RIGI: variants seen among roughly 807,000 people sequenced by gnomAD.
RIGI encodes the protein RNA sensor RIG-I.
the RIGI span, among the ~76,000 whole-genome samples, chr9:32,514,338 A>G: frequency 7.2e-5 from 11 of 152,238 alleles, no homozygotes; most frequent in African/African-American, 1.7e-4. Flanking sequence ...ATGCCCATCA[A>G]TGATAAACTG....
chr9:32,476,120 G>C, the RIGI span, among the ~76,000 whole-genome samples: 6 of 151,992 alleles, frequency 3.9e-5, no homozygotes, highest in Non-Finnish European at 8.8e-5. Context: ...CTCTAATGAG[G>C]TATCATTACC....
the RIGI span, among the ~76,000 whole-genome samples, chr9:32,510,865 T>C: frequency 2.0e-5 from 3 of 150,160 alleles, no homozygotes; most frequent in African/African-American, 7.4e-5. Context: ...AAGACACACA[T>C]AGGCTCAAAA....
chr9:32,508,258 T>TTTTTTTTTTTTTTTTTTTTTTTTTTTTTA, the RIGI span, among the ~76,000 whole-genome samples: 1 of 138,048 alleles, frequency 7.2e-6, no homozygotes, highest in East Asian at 2.2e-4. Context: ...TTTTTTTTTT[T>TTTTTTTTTTTTTTTTTTTTTTTTTTTTTA]ACTATATGAA....
the RIGI span, chr9:32,485,250 C>A: frequency 1.9e-6 from 3 of 1,603,160 alleles, no homozygotes; most frequent in Admixed American, 5.1e-5. Context: ...TTAAATTTGT[C>A]GCTAATCCGT....
chr9:32,463,209 T>C, the RIGI span, among the ~76,000 whole-genome samples: 68 of 152,380 alleles, frequency 4.5e-4, no homozygotes, highest in African/African-American at 1.6e-3. Context: ...ATCTTCATTA[T>C]TTTTGTAAAA....
chr9:32,504,199 T>C, the RIGI span, among the ~76,000 whole-genome samples: 240 of 152,282 alleles, frequency 1.6e-3, 3 homozygotes, highest in Non-Finnish European at 1.2e-4. Context: ...CTAGCGTCAA[T>C]AATCACAATA....
the RIGI span, among the ~76,000 whole-genome samples, chr9:32,466,004 G>A: frequency 6.6e-6 from 1 of 152,142 alleles, no homozygotes; most frequent in Non-Finnish European, 1.5e-5. Context: ...AAGAACAGCT[G>A]TTTTTTCCAG....
chr9:32,508,471 T>C, the RIGI span, among the ~76,000 whole-genome samples: 1 of 151,738 alleles, frequency 6.6e-6, no homozygotes, highest in Non-Finnish European at 1.5e-5. Context: ...GGGTAGGGTG[T>C]CACCTCACCT....
the RIGI span, chr9:32,481,457 C>T: frequency 6.3e-7 from 1 of 1,593,106 alleles, no homozygotes; most frequent in South Asian, 1.1e-5. Flanking sequence ...GTTCATATTT[C>T]TGTGTTCCAA....
chr9:32,466,476 G>T, the RIGI span: 3 of 1,549,536 alleles, frequency 1.9e-6, no homozygotes, highest in South Asian at 3.6e-5. Context: ...TGGTGTTTTT[G>T]ACTTAAAGCT....
At chr9:32,485,319 G>A in the RIGI span, 1 of 1,393,484 alleles carries the variant, frequency 7.2e-7, no homozygotes, top group South Asian at 1.2e-5. Flanking sequence ...AAAAAAGAGT[G>A]AGTATATTTT....
chr9:32,519,336 G>A, the RIGI span, among the ~76,000 whole-genome samples: 134 of 152,178 alleles, frequency 8.8e-4, no homozygotes, highest in African/African-American at 2.8e-3. Flanking sequence ...TGCATTTCCA[G>A]TATCTCATCA....
chr9:32,511,003 ATAATAGTAAAGGGATC>A, the RIGI span, among the ~76,000 whole-genome samples: 1 of 152,234 alleles, frequency 6.6e-6, no homozygotes, highest in East Asian at 1.9e-4. Context: ...AGGGCATTAT[ATAATAGTAAAGGGATC>A]AATGCAACAA....
At chr9:32,502,433 C>A in the RIGI span, among the ~76,000 whole-genome samples, 1 of 152,190 alleles carries the variant, frequency 6.6e-6, no homozygotes, top group Non-Finnish European at 1.5e-5. Context: ...AATTGTCAAA[C>A]CATTTTCCCA....
the RIGI span, among the ~76,000 whole-genome samples, chr9:32,480,662 A>G: frequency 1.3e-5 from 2 of 152,236 alleles, no homozygotes; most frequent in Non-Finnish European, 2.9e-5. Context: ...TAAGGAAAGT[A>G]AATCAACTTC....
chr9:32,505,126 A>G, the RIGI span, among the ~76,000 whole-genome samples: 4 of 148,012 alleles, frequency 2.7e-5, no homozygotes, highest in Non-Finnish European at 6.0e-5. Flanking sequence ...AAGTTAACCA[A>G]TGAATCCAGA....
the RIGI span, among the ~76,000 whole-genome samples, chr9:32,462,840 C>G: frequency 6.6e-6 from 1 of 152,160 alleles, no homozygotes; most frequent in African/African-American, 2.4e-5. Flanking sequence ...CCAGCTAGAC[C>G]TAGAATGTTT....
the RIGI span, among the ~76,000 whole-genome samples, chr9:32,500,614 T>C: frequency 1.3e-5 from 2 of 152,216 alleles, no homozygotes; most frequent in Non-Finnish European, 2.9e-5. Flanking sequence ...ATAATCTCTC[T>C]GCAGATTCTT....
At chr9:32,469,185 A>G in the RIGI span, among the ~76,000 whole-genome samples, 11 of 152,138 alleles carry the variant, frequency 7.2e-5, no homozygotes, top group South Asian at 4.2e-4. Flanking sequence ...ACTTGGGAGC[A>G]TAAGTGAGCA....
Sources: gnomAD v4.1 joint callset for allele counts (sites outside exome capture counted in the v4.1 genomes callset) on GRCh38, gnomAD v4.1.1 for gene constraint, MANE v1.5 for transcripts, NCBI Gene and HGNC (gene_info 2026-07-23, HGNC 2026-07-21) for gene names.